Variants in MARCHF1 observed in about 807,000 individuals in gnomAD.
MARCHF1 encodes the protein E3 ubiquitin-protein ligase MARCHF1.
In MARCHF1, 40 loss-of-function variants were observed where a neutral mutation model predicts 54.2. The observed-to-expected ratio is 0.74, with a 90% CI of 0.57 to 0.96. MARCHF1 has a LOEUF of 0.96. Among genes scored for constraint, MARCHF1 ranks in the 40% least tolerant of loss-of-function variants. The pLI, the probability that MARCHF1 is intolerant of heterozygous loss-of-function variation, is 0.00. For missense variants in MARCHF1, 586 were observed against 656.5 expected, an observed-to-expected ratio of 0.89 and a Z score of 1.17; for synonymous variants, 236 against 236.3, an observed-to-expected ratio of 1.00 and a Z score of 0.01.
At chr4:163,606,275 T>G (rs2320898) in intron 7 of MARCHF1, among the ~76,000 whole-genome samples, 120,046 of 151,896 alleles carry the variant, frequency 0.79, 48,059 homozygotes, top group Middle Eastern at 0.85. Context: ...TGTCTCCATG[T>G]TTTCTGCAAG....
Position 163,716,918 on chromosome 4 carries a change from T to G in MARCHF1, c.112-16055A>C, listed in dbSNP as rs147300007. On this transcript the variant is annotated intron_variant, in intron 4 of 9. Coordinates refer to ENST00000514618, the MANE Select transcript of MARCHF1 (RefSeq NM_001394959.1). ...AACATTTTAGGTTAATAATACATAT[T>G]AATTTTTTATTATTTTACTGTTTTA... 9.7e-3 allele frequency among the ~76,000 whole-genome samples: 1,483 copies of G among 152,322 alleles called. 17 individuals carry two copies. Among genetic ancestry groups the G allele is most frequent in the Admixed American group, 0.016 (248 of 15,310 alleles).
chr4:164,054,861 T>C (rs2111052852), intron 2 of MARCHF1, among the ~76,000 whole-genome samples: 1 of 151,236 alleles, frequency 6.6e-6, no homozygotes, highest in South Asian at 2.1e-4. Flanking sequence ...TGCACCAGCA[T>C]GGCACATGTA....
At chr4:164,201,046 A>AG (rs1308875313) in intron 1 of MARCHF1, among the ~76,000 whole-genome samples, 1 of 152,226 alleles carries the variant, frequency 6.6e-6, no homozygotes, top group African/African-American at 2.4e-5. Flanking sequence ...AGAGTGAGCT[A>AG]GGGAAAAGCA....
At chr4:163,646,622 A>T (rs1742769300) in intron 5 of MARCHF1, among the ~76,000 whole-genome samples, 1 of 152,154 alleles carries the variant, frequency 6.6e-6, no homozygotes. Flanking sequence ...TTGTGATATC[A>T]AAAACCATAA....
chr4:164,212,815 C>T (rs1731815093), intron 1 of MARCHF1, among the ~76,000 whole-genome samples: 1 of 152,144 alleles, frequency 6.6e-6, no homozygotes, highest in Non-Finnish European at 1.5e-5. Flanking sequence ...CCATTATTCT[C>T]CCCATTTTAC....
At chr4:164,193,493 C>G (rs888549620) in intron 1 of MARCHF1, among the ~76,000 whole-genome samples, 1 of 151,974 alleles carries the variant, frequency 6.6e-6, no homozygotes, top group African/African-American at 2.4e-5. Context: ...TGACACAGAA[C>G]AGGAAAGATC....
intron 4 of MARCHF1, among the ~76,000 whole-genome samples, chr4:163,847,512 C>T: frequency 6.9e-6 from 1 of 145,940 alleles, no homozygotes; most frequent in South Asian, 2.2e-4. Context: ...CTGCTACTAC[C>T]TTTTTTTTTC....
intron 2 of MARCHF1, among the ~76,000 whole-genome samples, chr4:164,069,108 T>C (rs1754797496): frequency 6.6e-6 from 1 of 152,182 alleles, no homozygotes; most frequent in South Asian, 2.1e-4. Context: ...TCAGGGTTTG[T>C]AAATACACCA....
intron 3 of MARCHF1, among the ~76,000 whole-genome samples, chr4:163,937,499 TATATAA>T (rs1751823763): frequency 6.6e-6 from 1 of 151,358 alleles, no homozygotes; most frequent in Non-Finnish European, 1.5e-5. Context: ...ATGTATAACA[TATATAA>T]ATATAAATAT....
intron 2 of MARCHF1, among the ~76,000 whole-genome samples, chr4:164,084,608 C>A (rs2111119787): frequency 6.6e-6 from 1 of 151,904 alleles, no homozygotes; most frequent in South Asian, 2.1e-4. Flanking sequence ...TATATAAATT[C>A]TAAATTTGCT....
chr4:163,780,141 G>A (rs1747422628), intron 4 of MARCHF1, among the ~76,000 whole-genome samples: 1 of 152,316 alleles, frequency 6.6e-6, no homozygotes, highest in South Asian at 2.1e-4. Flanking sequence ...GTGAAAAAGG[G>A]CCTATAGTTG....
chr4:163,852,213 ACTAGGAATGT>A (rs1749660528), intron 4 of MARCHF1, among the ~76,000 whole-genome samples: 1 of 152,160 alleles, frequency 6.6e-6, no homozygotes, highest in Non-Finnish European at 1.5e-5. Flanking sequence ...GATAAGTGGC[ACTAGGAATGT>A]CAATTAATTT....
intron 1 of MARCHF1, among the ~76,000 whole-genome samples, chr4:164,335,061 A>C (rs973287653): frequency 6.6e-6 from 1 of 152,252 alleles, no homozygotes; most frequent in Non-Finnish European, 1.5e-5. Flanking sequence ...TGGTTTCTTG[A>C]AGTAAAATCT....
intron 4 of MARCHF1, among the ~76,000 whole-genome samples, chr4:163,805,231 C>T (rs778307680): frequency 9.2e-5 from 14 of 151,906 alleles, no homozygotes; most frequent in South Asian, 2.1e-4. Context: ...ATCATTTAAA[C>T]GTTGTATTAT....
At chr4:164,118,661 G>A (rs1233756191) in intron 1 of MARCHF1, among the ~76,000 whole-genome samples, 1 of 151,300 alleles carries the variant, frequency 6.6e-6, no homozygotes, top group East Asian at 1.9e-4. Flanking sequence ...CAATACAGGA[G>A]CCATAGCTAA....
At chr4:164,352,155 GC>G (rs1437379194) in intron 1 of MARCHF1, among the ~76,000 whole-genome samples, 14 of 127,716 alleles carry the variant, frequency 1.1e-4, no homozygotes, top group Non-Finnish European at 1.2e-4. Context: ...TGAAAGTGAT[GC>G]GGAGAATGGA....
At chr4:163,746,329 T>C (rs1362151763) in intron 4 of MARCHF1, among the ~76,000 whole-genome samples, 1 of 152,226 alleles carries the variant, frequency 6.6e-6, no homozygotes, top group Non-Finnish European at 1.5e-5. Flanking sequence ...TGTCTTTTTA[T>C]GGCTTGAGAG....
At chr4:163,664,141 A>C (rs1335393533) in intron 5 of MARCHF1, among the ~76,000 whole-genome samples, 1 of 152,148 alleles carries the variant, frequency 6.6e-6, no homozygotes, top group Non-Finnish European at 1.5e-5. Flanking sequence ...AGAAACAAAC[A>C]GGAAGAAGTT....
intron 4 of MARCHF1, among the ~76,000 whole-genome samples, chr4:163,757,845 G>A (rs1746721823): frequency 6.6e-6 from 1 of 152,114 alleles, no homozygotes; most frequent in Admixed American, 6.5e-5. Flanking sequence ...CTAAGGACTG[G>A]AGCATTAGCA....
Sources: allele counts gnomAD v4.1 joint callset (sites outside exome capture counted in the v4.1 genomes callset), GRCh38; gene constraint gnomAD v4.1.1; transcripts MANE v1.5; gene names NCBI Gene and HGNC (gene_info 2026-07-23, HGNC 2026-07-21).